Variants in ZKSCAN1 observed in about 807,000 individuals in gnomAD.
ZKSCAN1 encodes zinc finger with KRAB and SCAN domains 1.
A neutral mutation model predicts 51.6 loss-of-function variants in ZKSCAN1; 14 were observed. That is an observed-to-expected ratio of 0.27 (90% CI 0.18 to 0.42). ZKSCAN1 has a LOEUF of 0.42. ZKSCAN1 is among the 10% of genes least tolerant of loss of function. ZKSCAN1 has a pLI of 1.00. For missense variants in ZKSCAN1, 531 were observed against 710.0 expected, an observed-to-expected ratio of 0.75 and a Z score of 2.86; for synonymous variants, 263 against 261.5, an observed-to-expected ratio of 1.01 and a Z score of -0.06.
chr7:100,042,591 C>G (rs1159853709), downstream of ZKSCAN1, among the ~76,000 whole-genome samples: 1 of 152,084 alleles, frequency 6.6e-6, no homozygotes, highest in Non-Finnish European at 1.5e-5. Flanking sequence ...CGGGTTTTCA[C>G]CTGTGCTTTG....
At chr7:100,018,611 TCTC>T (rs1171473426) in intron 1 of ZKSCAN1, among the ~76,000 whole-genome samples, 1 of 152,012 alleles carries the variant, frequency 6.6e-6, no homozygotes, top group Non-Finnish European at 1.5e-5. Flanking sequence ...ATGGTCTCGA[TCTC>T]CTCACCTCGT....
rs60390216 is a variant in ZKSCAN1 at position 100,031,273 on chromosome 7, A to ATTTTTTTTTTTTTTTTTTTTTTTTTTT, written c.799+922_799+923insTTTTTTTTTTTTTTTTTTTTTTTTTTT. Among the ~76,000 whole-genome samples, 3 of 89,508 alleles carry ATTTTTTTTTTTTTTTTTTTTTTTTTTT rather than the reference A, an allele frequency of 3.4e-5. 1 individual carries two copies. Among genetic ancestry groups the ATTTTTTTTTTTTTTTTTTTTTTTTTTT allele is most frequent in the African/African-American group, 9.6e-5 (2 of 20,784 alleles). The allele number at this position is 89,508 out of a possible 152,430, so 58.7% of individuals were successfully genotyped here. A position where few individuals can be genotyped will look rare whatever the true frequency, so the allele number is the denominator to read the frequency against. ...TGGTACTTGCTCTTTGTACTAGATG[A>ATTTTTTTTTTTTTTTTTTTTTTTTTTT]TTTTTTTTTTTTTTTTTTTTTTTTG... On this transcript the variant is annotated intron_variant, in intron 5 of 5. Transcript: ENST00000324306.
intron 1 of ZKSCAN1, among the ~76,000 whole-genome samples, chr7:100,017,443 G>A (rs966881398): frequency 8.5e-5 from 13 of 152,172 alleles, no homozygotes; most frequent in South Asian, 2.1e-4. Context: ...GGCTGGTCTC[G>A]AACGCCTGAT....
Position 100,041,457 on chromosome 7 carries a change from A to G in ZKSCAN1, c.*7260A>G. 1.0e-6 allele frequency: 1 copy of G among 985,456 alleles called. No homozygotes were observed. The highest frequency in any genetic ancestry group is 1.2e-6 in the Non-Finnish European group (1 of 829,944). The allele number at this position is 985,456 out of a possible 1,614,324, so 61.0% of individuals were successfully genotyped here. A position where few individuals can be genotyped will look rare whatever the true frequency, so the allele number is the denominator to read the frequency against. ...GGGAACTCCTCCACTAAAAGTAACC[A>G]TTGGAAACCTCGAATGAGGGCTAAA... On this transcript the variant is annotated 3_prime_UTR_variant, in exon 6 of 6. Transcript: ENST00000324306.
At chr7:100,018,886 G>A (rs1790483632) in intron 1 of ZKSCAN1, among the ~76,000 whole-genome samples, 1 of 152,240 alleles carries the variant, frequency 6.6e-6, no homozygotes. Context: ...GTTGTGGGCA[G>A]AGGGAATGTG....
chr7:100,039,536 A>T lies in ZKSCAN1; in HGVS notation c.*5339A>T. 1 of 985,370 alleles carries T rather than the reference A, an allele frequency of 1.0e-6. No individual in the cohort carries two copies. Among genetic ancestry groups the T allele is most frequent in the Non-Finnish European group, 1.2e-6 (1 of 829,918 alleles). 61.0% of individuals were successfully genotyped at this position (985,370 alleles called of 1,614,324 possible). A position where few individuals can be genotyped will look rare whatever the true frequency, so the allele number is the denominator to read the frequency against. On this transcript the variant is annotated 3_prime_UTR_variant, in exon 6 of 6. Coordinates refer to ENST00000324306, the MANE Select transcript of ZKSCAN1 (RefSeq NM_003439.4). ...GTGATTATTAGGAGAGAGGTTTTGC[A>T]AAGACTCGTTGCTGTGAAAGAATCT...
chr7:100,041,378 A>C lies in ZKSCAN1; in HGVS notation c.*7181A>C, dbSNP rs928945928. The C allele has an allele frequency of 1.3e-5, 13 of 985,012 alleles. No individual in the cohort carries two copies. Among genetic ancestry groups the C allele is most frequent in the Non-Finnish European group, 1.3e-5 (11 of 829,696 alleles). 61.0% of individuals were successfully genotyped at this position (985,012 alleles called of 1,614,324 possible). ...AATCCTCCTTAACATTTCTAGAAAGACTTCTTTCAATAAATAATGGAATCT... is the reference window on the plus strand; with the variant it reads ...AATCCTCCTTAACATTTCTAGAAAGCCTTCTTTCAATAAATAATGGAATCT... On this transcript the variant is annotated 3_prime_UTR_variant, in exon 6 of 6. Transcript: ENST00000324306.
Position 100,036,072 on chromosome 7 carries a change from A to C in ZKSCAN1, c.*1875A>C. On this transcript the variant is annotated 3_prime_UTR_variant, in exon 6 of 6. Transcript: ENST00000324306. The stretch of plus-strand genomic sequence containing the variant: ...ATCAGTCATTCACTGATCAGCAGCT[A>C]AAGTCCATGAGACCAAATGGTTTTA... 1 of 985,462 alleles carries C rather than the reference A, an allele frequency of 1.0e-6. No individual in the cohort carries two copies. The highest frequency in any genetic ancestry group is 1.2e-6 in the Non-Finnish European group (1 of 829,940). 61.0% of individuals were successfully genotyped at this position (985,462 alleles called of 1,614,324 possible). A position where few individuals can be genotyped will look rare whatever the true frequency, so the allele number is the denominator to read the frequency against.
In ZKSCAN1 at chr7:100,036,832, G is replaced by GT. The variant is rs1791382931; in HGVS notation, c.*2635_*2636insT. The GT allele has an allele frequency of 1.3e-5, 12 of 938,566 alleles. No individual in the cohort carries two copies. The highest frequency in any genetic ancestry group is 1.5e-5 in the Non-Finnish European group (12 of 810,144). 58.1% of individuals were successfully genotyped at this position (938,566 alleles called of 1,614,324 possible). A position where few individuals can be genotyped will look rare whatever the true frequency, so the allele number is the denominator to read the frequency against. On this transcript the variant is annotated 3_prime_UTR_variant, in exon 6 of 6. Coordinates refer to ENST00000324306, the MANE Select transcript of ZKSCAN1 (RefSeq NM_003439.4). ...TTTGGTCATGTTTACATTGGCCTTTGGTTTTTTTTTTTCTTTCAGCCACAA... is the reference window on the plus strand; with the variant it reads ...TTTGGTCATGTTTACATTGGCCTTTGTGTTTTTTTTTTTCTTTCAGCCACAA...
rs1169476112 is a variant in ZKSCAN1 at position 100,017,762 on chromosome 7, C to T, written c.-89+2036C>T. Among the ~76,000 whole-genome samples, 3 of 152,136 alleles carry T rather than the reference C, an allele frequency of 2.0e-5. 1 individual carries two copies. The highest frequency in any genetic ancestry group is 7.2e-5 in the African/African-American group (3 of 41,438). On this transcript the variant is annotated intron_variant, in intron 1 of 5. Coordinates refer to ENST00000324306, the MANE Select transcript of ZKSCAN1 (RefSeq NM_003439.4). ...CCTACTATCTGGAACCCCCACCCTACCCCCATTTGACTGATAAAGATACAA... is the reference window on the plus strand; with the variant it reads ...CCTACTATCTGGAACCCCCACCCTATCCCCATTTGACTGATAAAGATACAA...
intron 1 of ZKSCAN1, among the ~76,000 whole-genome samples, chr7:100,018,000 A>G (rs1185836651): frequency 1.3e-5 from 2 of 152,362 alleles, no homozygotes; most frequent in South Asian, 4.1e-4. Flanking sequence ...AATGCCAGGC[A>G]CTATTTTAAG....
At chr7:100,043,817 C>T (rs1286871391), downstream of ZKSCAN1, among the ~76,000 whole-genome samples, 1 of 104,768 alleles carries the variant, frequency 9.5e-6, no homozygotes, top group Non-Finnish European at 1.7e-5. Context: ...GAATCTCTCT[C>T]TGTTGCCCAA....
intron 2 of ZKSCAN1, 70 bp from the exon 3 acceptor site, chr7:100,024,084 T>A: frequency 6.5e-7 from 1 of 1,548,680 alleles, no homozygotes; most frequent in Non-Finnish European, 8.7e-7. Context: ...ATACTCATGG[T>A]CTGTTTTTAA....
In ZKSCAN1 at chr7:100,036,396, C is replaced by CT; in HGVS notation, c.*2203dup. On this transcript the variant is annotated 3_prime_UTR_variant, in exon 6 of 6. Coordinates refer to ENST00000324306, the MANE Select transcript of ZKSCAN1 (RefSeq NM_003439.4). The stretch of plus-strand genomic sequence containing the variant: ...AATGGTTTTGTAGAAAACTCCTGTG[C>CT]TTTTGAGCAAGGACTTTTGCCCTCT... The CT allele has an allele frequency of 1.0e-6, 1 of 985,400 alleles. No individual in the cohort carries two copies. Among genetic ancestry groups the CT allele is most frequent in the Non-Finnish European group, 1.2e-6 (1 of 829,930 alleles). The allele number at this position is 985,400 out of a possible 1,614,324, so 61.0% of individuals were successfully genotyped here.
intron 5 of ZKSCAN1, among the ~76,000 whole-genome samples, chr7:100,032,549 AT>A (rs1791153806): frequency 6.6e-6 from 1 of 152,010 alleles, no homozygotes; most frequent in South Asian, 2.1e-4. Flanking sequence ...TTTTTCTCCT[AT>A]TTTATGTCCA....
intron 5 of ZKSCAN1, 131 bp downstream of exon 5, chr7:100,030,506 G>T: frequency 8.8e-7 from 1 of 1,130,642 alleles, no homozygotes; most frequent in Non-Finnish European, 1.2e-6. Context: ...TAGACCAGAT[G>T]GAAAGTGAGA....
intron 1 of ZKSCAN1, among the ~76,000 whole-genome samples, chr7:100,018,691 A>G (rs1790476665): frequency 6.6e-6 from 1 of 152,178 alleles, no homozygotes; most frequent in African/African-American, 2.4e-5. Context: ...CCGGCGCATC[A>G]TGAGAAATTA....
downstream of ZKSCAN1, among the ~76,000 whole-genome samples, chr7:100,042,220 G>A (rs1364493414): frequency 6.6e-6 from 1 of 151,500 alleles, no homozygotes; most frequent in East Asian, 1.9e-4. Context: ...TCGGGAGGCT[G>A]AGCCAGGAGA....
At chr7:100,043,009 C>T (rs1321003325), downstream of ZKSCAN1, among the ~76,000 whole-genome samples, 1 of 151,960 alleles carries the variant, frequency 6.6e-6, no homozygotes, top group African/African-American at 2.4e-5. Context: ...ATAGTGTTAG[C>T]CAGGATGGTC....
Sources: gnomAD v4.1 joint callset for allele counts (sites outside exome capture counted in the v4.1 genomes callset) on GRCh38, gnomAD v4.1.1 for gene constraint, MANE v1.5 for transcripts, NCBI Gene and HGNC (gene_info 2026-07-23, HGNC 2026-07-21) for gene names.